Variants in ZNF618 observed in about 807,000 individuals in gnomAD.
The protein encoded by ZNF618 is zinc finger protein 618, also known as neural precursor cell expressed, developmentally down-regulated 10.
ZNF618 carries 34 observed loss-of-function variants against 103.0 expected under a neutral mutation model. The ratio of observed to expected loss-of-function variants is 0.33; its 90% CI spans 0.25 to 0.44. The LOEUF (loss-of-function observed/expected upper bound fraction) is 0.44, where lower values mean the gene tolerates loss of function less well. Among genes scored for constraint, ZNF618 ranks in the 20% least tolerant of loss-of-function variants. ZNF618 has a pLI of 1.00. For synonymous variants in ZNF618, 551 were observed against 542.2 expected (o/e 1.02, Z -0.23); for missense variants, 1,059 against 1,295.4 (o/e 0.82, Z 2.80).
intron 13 of ZNF618, among the ~76,000 whole-genome samples, chr9:114,043,017 CT>C (rs1400848159): frequency 1.3e-5 from 2 of 152,202 alleles, no homozygotes; most frequent in Non-Finnish European, 2.9e-5. Flanking sequence ...ACTTCTTTCA[CT>C]TAACATACTT....
At chr9:113,985,354 C>T (rs1839367906) in intron 2 of ZNF618, among the ~76,000 whole-genome samples, 1 of 152,244 alleles carries the variant, frequency 6.6e-6, no homozygotes, top group South Asian at 2.1e-4. Flanking sequence ...TCCAGGGGAT[C>T]CCCTTTTCTT....
chr9:114,021,049 T>G (rs1161805385), intron 10 of ZNF618, among the ~76,000 whole-genome samples: 4 of 152,104 alleles, frequency 2.6e-5, no homozygotes, highest in Non-Finnish European at 5.9e-5. Context: ...CTGTGGATTC[T>G]TATATTCTCT....
intron 1 of ZNF618, 60 bp downstream of exon 1, chr9:113,876,473 G>GGCGCT (rs1036090925): frequency 1.7e-6 from 2 of 1,154,238 alleles, no homozygotes; most frequent in African/African-American, 3.2e-5. Context: ...CGGGGCCCGG[G>GGCGCT]GCGCTGCGCC....
chr9:113,982,480 T>TA (rs1261329216), intron 2 of ZNF618, among the ~76,000 whole-genome samples: 1 of 152,196 alleles, frequency 6.6e-6, no homozygotes, highest in Non-Finnish European at 1.5e-5. Context: ...TGAGGACACT[T>TA]ACTGCATTTA....
chr9:114,047,864 G>A, intron 13 of ZNF618, 29 bp from the exon 14 acceptor site: 1 of 1,567,830 alleles, frequency 6.4e-7, no homozygotes, highest in Non-Finnish European at 8.7e-7. Flanking sequence ...ACCCTTCCAG[G>A]TAACACACTG....
At chr9:113,921,167 G>C (rs1294199739) in intron 1 of ZNF618, among the ~76,000 whole-genome samples, 1 of 152,224 alleles carries the variant, frequency 6.6e-6, no homozygotes, top group African/African-American at 2.4e-5. Context: ...TTAGACCAAG[G>C]CTGGAATCCT....
intron 10 of ZNF618, among the ~76,000 whole-genome samples, chr9:114,026,418 C>A (rs530966167): frequency 2.6e-5 from 4 of 152,338 alleles, no homozygotes; most frequent in African/African-American, 9.6e-5. Flanking sequence ...ATGCCAGGAT[C>A]TTTACAGCAG....
intron 11 of ZNF618, among the ~76,000 whole-genome samples, chr9:114,031,955 C>G (rs1844090229): frequency 6.6e-6 from 1 of 152,198 alleles, no homozygotes; most frequent in South Asian, 2.1e-4. Context: ...TGGTTGGACC[C>G]TATCTCTGCA....
chr9:114,046,583 G>A (rs764346594), intron 13 of ZNF618, among the ~76,000 whole-genome samples: 2 of 152,194 alleles, frequency 1.3e-5, no homozygotes, highest in Admixed American at 6.5e-5. Context: ...TAGAAGAAAT[G>A]AGAGTGAGAG....
chr9:113,966,416 A>G (rs1284262869), intron 1 of ZNF618, among the ~76,000 whole-genome samples: 6 of 152,224 alleles, frequency 3.9e-5, no homozygotes, highest in East Asian at 1.9e-4. Flanking sequence ...CAGGGTACAG[A>G]TGAGTTTGCT....
intron 1 of ZNF618, among the ~76,000 whole-genome samples, chr9:113,932,999 C>T (rs1177274711): frequency 6.6e-6 from 1 of 152,122 alleles, no homozygotes; most frequent in East Asian, 1.9e-4. Context: ...AGGAACCGGT[C>T]AATGGACCAA....
intron 1 of ZNF618, among the ~76,000 whole-genome samples, chr9:113,960,264 C>G (rs796400230): frequency 6.6e-6 from 1 of 152,228 alleles, no homozygotes; most frequent in Non-Finnish European, 1.5e-5. Context: ...AGTGGGCTCT[C>G]TGTGCTGGCT....
At chr9:114,024,033 T>A (rs1412366013) in intron 10 of ZNF618, among the ~76,000 whole-genome samples, 1 of 152,040 alleles carries the variant, frequency 6.6e-6, no homozygotes, top group Admixed American at 6.5e-5. Context: ...CTAATCTCTC[T>A]TTTCTCTCTT....
chr9:113,988,249 G>T, intron 2 of ZNF618, 72 bp from the exon 3 acceptor site: 1 of 1,525,588 alleles, frequency 6.6e-7, no homozygotes, highest in Non-Finnish European at 8.8e-7. Flanking sequence ...TGTCCCTGTG[G>T]TGCCATGGGC....
chr9:114,024,754 GT>G (rs1453039593), intron 10 of ZNF618, among the ~76,000 whole-genome samples: 3 of 150,668 alleles, frequency 2.0e-5, no homozygotes, highest in South Asian at 4.2e-4. Context: ...CCCATTAGCT[GT>G]TTTTTTGCTA....
intron 1 of ZNF618, among the ~76,000 whole-genome samples, chr9:113,936,312 G>A (rs945081360): frequency 6.6e-6 from 1 of 152,194 alleles, no homozygotes; most frequent in South Asian, 2.1e-4. Flanking sequence ...GAACAAAAAA[G>A]CTACTCCCTG....
rs971685142 is a variant in ZNF618 at position 114,050,363 on chromosome 9, T to C, written c.*196T>C. 2 of 620,752 alleles carry C rather than the reference T, an allele frequency of 3.2e-6. No homozygotes were observed. The highest frequency in any genetic ancestry group is 5.3e-6 in the Non-Finnish European group (2 of 380,140). The allele number at this position is 620,752 out of a possible 1,614,324, so 38.5% of individuals were successfully genotyped here. A position where few individuals can be genotyped will look rare whatever the true frequency, so the allele number is the denominator to read the frequency against. On this transcript the variant is annotated 3_prime_UTR_variant, in exon 15 of 15. Coordinates refer to ENST00000374126, the MANE Select transcript of ZNF618 (RefSeq NM_001318042.2). ...ACACAGCCACACGTGTGTGCACGTG[T>C]CTGAACACGTGCTGTGGTTGTGGGG... is the stretch of plus-strand genomic sequence containing the variant.
At chr9:113,937,285 T>C (rs1283017233) in intron 1 of ZNF618, among the ~76,000 whole-genome samples, 1 of 152,162 alleles carries the variant, frequency 6.6e-6, no homozygotes, top group Non-Finnish European at 1.5e-5. Flanking sequence ...CTTTATAAAA[T>C]TCTTTTTCTA....
chr9:113,922,170 A>C (rs547535028), intron 1 of ZNF618, among the ~76,000 whole-genome samples: 6 of 152,366 alleles, frequency 3.9e-5, no homozygotes, highest in Admixed American at 3.3e-4. Flanking sequence ...CCAGGGAACA[A>C]AAAATAAACA....
Sources: allele counts gnomAD v4.1 joint callset (sites outside exome capture counted in the v4.1 genomes callset), GRCh38; gene constraint gnomAD v4.1.1; transcripts MANE v1.5; gene names NCBI Gene and HGNC (gene_info 2026-07-23, HGNC 2026-07-21).